SIM2: variants seen among roughly 807,000 people sequenced by gnomAD.
SIM2 encodes the protein single-minded homolog 2.
SIM2 carries 28 observed loss-of-function variants against 64.8 expected under a neutral mutation model. The ratio of observed to expected loss-of-function variants is 0.43; its 90% confidence interval spans 0.32 to 0.59. The LOEUF is 0.59. Ranked by LOEUF, SIM2 falls within the 20% of genes least tolerant of loss-of-function variation. The pLI is 0.07. For missense variants in SIM2, 847 were observed against 871.4 expected (o/e 0.97, Z 0.35); for synonymous variants, 408 against 391.1 (o/e 1.04, Z -0.51).
In SIM2 at chr21:36,747,485, T is replaced by C. The variant is rs913991456; in HGVS notation, c.1577-180T>C. Among the ~76,000 whole-genome samples, 1 of 152,070 alleles carries C rather than the reference T, an allele frequency of 6.6e-6. No homozygotes were observed. The highest frequency in any genetic ancestry group is 2.4e-5 in the African/African-American group (1 of 41,422). On this transcript the variant is annotated intron_variant, in intron 10 of 10. Transcript: ENST00000290399. This position sits in a 1 kb window ranked among gnomAD's most constrained non-coding sequence, Gnocchi z 4.5. ...GCTTTGTAACGCGGCTCCTGGAACA[T>C]TTCAGGTCGCGTCCTGAGATTGGAC...
intron 3 of SIM2, among the ~76,000 whole-genome samples, chr21:36,718,417 T>C (rs2088774644): frequency 6.6e-6 from 1 of 152,316 alleles, no homozygotes; most frequent in African/African-American, 2.4e-5. Context: ...TCTCCTCTGA[T>C]GGAGAGCCAC....
chr21:36,720,053 G>A, intron 4 of SIM2, 124 bp downstream of exon 4: 4 of 682,618 alleles, frequency 5.9e-6, no homozygotes, highest in Non-Finnish European at 1.0e-5. Flanking sequence ...GCCCAGCCCA[G>A]GTCTCTCCAA....
Position 36,718,130 on chromosome 21 carries a change from G to A in SIM2, c.349-1691G>A, listed in dbSNP as rs117359311. 3.5e-3 allele frequency among the ~76,000 whole-genome samples: 526 copies of A among 152,272 alleles called. 26 individuals carry two copies. The East Asian group carries it at 0.083, about 24-fold the overall frequency. On this transcript the variant is annotated intron_variant, in intron 3 of 10. Coordinates refer to ENST00000290399, the MANE Select transcript of SIM2 (RefSeq NM_005069.6). ...TGTAAAACATAGAACTGTGAGAGCC[G>A]TTTTAGGGACAAGATGACTTAGCAG...
At chr21:36,724,756 GAA>G (rs1302911250) in intron 5 of SIM2, among the ~76,000 whole-genome samples, 3 of 152,220 alleles carry the variant, frequency 2.0e-5, no homozygotes, top group Non-Finnish European at 4.4e-5. Context: ...AAATCCTGGA[GAA>G]AGAGTTTTGG....
intron 6 of SIM2, among the ~76,000 whole-genome samples, chr21:36,727,714 C>T (rs972165912): frequency 1.3e-5 from 2 of 152,124 alleles, no homozygotes; most frequent in East Asian, 1.9e-4. Context: ...GAGTCTTTGG[C>T]GGGGGGAGGA....
At chr21:36,712,193 G>A (rs1427024557) in intron 2 of SIM2, among the ~76,000 whole-genome samples, 1 of 152,130 alleles carries the variant, frequency 6.6e-6, no homozygotes, top group Middle Eastern at 3.2e-3. Context: ...ATAGAACTCC[G>A]GATTTGTACT....
At chr21:36,709,619 A>G (rs1167850428) in intron 2 of SIM2, 2 of 396,368 alleles carry the variant, frequency 5.0e-6, no homozygotes, top group Non-Finnish European at 9.7e-6. Context: ...GGAGCAGCAG[A>G]AATGATTGGG....
chr21:36,737,868 GGGAGAATCTCT>G (rs2089087297), intron 7 of SIM2, among the ~76,000 whole-genome samples: 1 of 146,372 alleles, frequency 6.8e-6, no homozygotes, highest in African/African-American at 2.5e-5. Flanking sequence ...GTCTGAGGCA[GGGAGAATCTCT>G]TGAACCCAGG....
At chr21:36,738,479 TG>T (rs2089105243) in intron 7 of SIM2, among the ~76,000 whole-genome samples, 1 of 152,222 alleles carries the variant, frequency 6.6e-6, no homozygotes, top group Admixed American at 6.5e-5. Flanking sequence ...CACTCCAGCC[TG>T]GGTGGCAAAG....
At chr21:36,715,317 A>G (rs968947575) in intron 3 of SIM2, among the ~76,000 whole-genome samples, 12 of 152,376 alleles carry the variant, frequency 7.9e-5, no homozygotes, top group African/African-American at 2.6e-4. Flanking sequence ...AAATAGTAAA[A>G]TAAAGTATTG....
chr21:36,725,097 G>A (rs116184572), intron 5 of SIM2, among the ~76,000 whole-genome samples: 1 of 152,154 alleles, frequency 6.6e-6, no homozygotes, highest in Non-Finnish European at 1.5e-5. Flanking sequence ...TGTAATTCCA[G>A]TACTTTGGAA....
In SIM2 at chr21:36,743,458, G is replaced by A; in HGVS notation, c.1070G>A (p.Arg357Lys). 1.2e-6 allele frequency: 2 copies of A among 1,614,052 alleles called. No individual in the cohort carries two copies. The highest frequency in any genetic ancestry group is 1.7e-6 in the Non-Finnish European group (2 of 1,179,970). The change falls in exon 9 of 11, where the codon AGG (arginine) becomes AAG (lysine). Residue 357 changes from arginine (R) to lysine (K), a missense_variant. Arg to Lys is a conservative substitution (Grantham distance 26). Around this residue, in one of 3 missense-constraint regions of SIM2, gnomAD observed 447 missense variants for 414.6 expected, o/e 1.08. Transcript: ENST00000290399. ...ACTGCCAAGTCCCAGGACTCCTGGA[G>A]GACCGCCTTGTCTACCTCACAAGAA... ...VSTAKSQDSW[R>K]TALSTSQETR...
chr21:36,702,209 T>A (rs751189174), intron 1 of SIM2, among the ~76,000 whole-genome samples: 6 of 151,960 alleles, frequency 3.9e-5, no homozygotes, highest in African/African-American at 1.2e-4. Flanking sequence ...CTTCTGGGGG[T>A]CAGGCCTTGA....
intron 6 of SIM2, among the ~76,000 whole-genome samples, chr21:36,728,839 A>G (rs2088928624): frequency 6.6e-6 from 1 of 152,236 alleles, no homozygotes; most frequent in Admixed American, 6.5e-5. Flanking sequence ...AAGTCACAGG[A>G]GCGAGGGTGG....
At chr21:36,744,648 C>G in intron 9 of SIM2, 80 bp from the exon 10 acceptor site, 1 of 1,480,402 alleles carries the variant, frequency 6.8e-7, no homozygotes, top group Non-Finnish European at 9.0e-7. Context: ...TGGGCCCCGT[C>G]GGGACGGTTC....
intron 7 of SIM2, among the ~76,000 whole-genome samples, chr21:36,741,042 G>T (rs927664580): frequency 6.6e-6 from 1 of 152,158 alleles, no homozygotes; most frequent in African/African-American, 2.4e-5. Flanking sequence ...CGAGCCTTTG[G>T]CTGAGCTGCT....
intron 8 of SIM2, among the ~76,000 whole-genome samples, chr21:36,742,931 C>T (rs2089181664): frequency 6.6e-6 from 1 of 152,150 alleles, no homozygotes; most frequent in Non-Finnish European, 1.5e-5. Flanking sequence ...GAGATGGGCC[C>T]CCGATGTGAG....
intron 7 of SIM2, among the ~76,000 whole-genome samples, chr21:36,737,701 AT>A (rs1458043527): frequency 2.0e-5 from 3 of 152,096 alleles, no homozygotes; most frequent in African/African-American, 7.2e-5. Flanking sequence ...CTATTAAAAC[AT>A]TTCAATGTCC....
Position 36,740,051 on chromosome 21 carries a change from GAAAGAA to G in SIM2, c.851-1664_851-1659del, listed in dbSNP as rs1030817964. ...AGAAAGAAAGAAAGAAAGAAAGAAA[GAAAGAA>G]AGAGAAAATGCCACTCACCATAGAT... On this transcript the variant is annotated intron_variant, in intron 7 of 10. Transcript: ENST00000290399. Among the ~76,000 whole-genome samples the G allele has an allele frequency of 4.2e-4, 58 of 136,754 alleles. No individual in the cohort carries two copies. The East Asian group carries it at 9.4e-3, about 22-fold the overall frequency. 89.7% of individuals were successfully genotyped at this position (136,754 alleles called of 152,430 possible).
Sources: gnomAD v4.1 joint callset for allele counts (sites outside exome capture counted in the v4.1 genomes callset) on GRCh38, gnomAD v4.1.1 for gene constraint, gnomAD v4.1.1 regional missense constraint, Gnocchi (gnomAD v3.1) non-coding constraint, MANE v1.5 for transcripts, NCBI Gene and HGNC (gene_info 2026-07-23, HGNC 2026-07-21) for gene names.